GRAMD1B: variants seen among roughly 807,000 people sequenced by gnomAD.
GRAMD1B encodes the protein GRAM domain containing 1B.
Under a neutral mutation model 99.7 loss-of-function variants are expected in GRAMD1B, and 37 were observed. The observed-to-expected ratio is 0.37, with a 90% CI of 0.29 to 0.49. The LOEUF (loss-of-function observed/expected upper bound fraction) is 0.49, where lower values mean the gene tolerates loss of function less well. GRAMD1B is among the 20% of genes least tolerant of loss of function. The pLI is 0.98. For synonymous variants in GRAMD1B, 427 were observed against 387.6 expected (o/e 1.10, Z -1.19); for missense variants, 888 against 1,009.2 (o/e 0.88, Z 1.63).
chr11:123,548,590 G>T (rs1050422461), intron 2 of GRAMD1B, among the ~76,000 whole-genome samples: 1 of 151,826 alleles, frequency 6.6e-6, no homozygotes, highest in African/African-American at 2.4e-5. Flanking sequence ...TGGATTCGAT[G>T]CTTGAAAATT....
intron 2 of GRAMD1B, among the ~76,000 whole-genome samples, chr11:123,495,357 T>A (rs1939121561): frequency 6.6e-6 from 1 of 152,178 alleles, no homozygotes; most frequent in Non-Finnish European, 1.5e-5. Flanking sequence ...AGGGATGTAA[T>A]AGTCACAGCA....
intron 11 of GRAMD1B, chr11:123,607,933 T>TG (rs1442888581): frequency 1.3e-5 from 2 of 153,542 alleles, no homozygotes; most frequent in Non-Finnish European, 2.9e-5. Context: ...CAATCTTCTG[T>TG]ATATGGACAC....
chr11:123,485,648 CAGTAGAA>C (rs1937648357), intron 2 of GRAMD1B, among the ~76,000 whole-genome samples: 1 of 151,092 alleles, frequency 6.6e-6, no homozygotes, highest in South Asian at 2.1e-4. Flanking sequence ...TCCAGGTGTC[CAGTAGAA>C]AGCAAAATAG....
chr11:123,575,756 T>C (rs909006969), intron 2 of GRAMD1B, among the ~76,000 whole-genome samples: 1 of 152,032 alleles, frequency 6.6e-6, no homozygotes, highest in African/African-American at 2.4e-5. Flanking sequence ...CCTTCCTTTC[T>C]CCAGAGTTTA....
At chr11:123,389,160 A>G (rs924008639) in intron 1 of GRAMD1B, among the ~76,000 whole-genome samples, 3 of 152,204 alleles carry the variant, frequency 2.0e-5, no homozygotes, top group Admixed American at 6.5e-5. Context: ...CGAGACAGGC[A>G]GATCACGAGG....
intron 4 of GRAMD1B, among the ~76,000 whole-genome samples, chr11:123,586,557 G>A (rs1018594288): frequency 4.6e-5 from 7 of 152,202 alleles, no homozygotes; most frequent in Admixed American, 4.6e-4. Context: ...TCGGGTGACA[G>A]GGCACCCTGC....
intron 2 of GRAMD1B, among the ~76,000 whole-genome samples, chr11:123,481,654 T>C (rs1423091183): frequency 2.6e-5 from 4 of 152,096 alleles, no homozygotes. Context: ...TAGGATGCAA[T>C]GAAAATATGG....
At chr11:123,421,691 G>A (rs1258394959) in intron 1 of GRAMD1B, among the ~76,000 whole-genome samples, 1 of 152,172 alleles carries the variant, frequency 6.6e-6, no homozygotes, top group Admixed American at 6.5e-5. Context: ...TCTTCCAGAG[G>A]TATCTGCTTA....
chr11:123,478,807 C>T (rs1171955190), intron 1 of GRAMD1B, among the ~76,000 whole-genome samples: 1 of 152,114 alleles, frequency 6.6e-6, no homozygotes, highest in African/African-American at 2.4e-5. Context: ...CTTGGTTGAG[C>T]CCTGTTGACT....
intron 12 of GRAMD1B, among the ~76,000 whole-genome samples, chr11:123,609,423 A>G (rs1217512236): frequency 1.3e-5 from 2 of 152,126 alleles, no homozygotes; most frequent in Non-Finnish European, 2.9e-5. Context: ...AGGAGAGGGC[A>G]CGCTGAGGGC....
chr11:123,382,720 C>A (rs1012420413), intron 1 of GRAMD1B, among the ~76,000 whole-genome samples: 1 of 151,864 alleles, frequency 6.6e-6, no homozygotes, highest in Non-Finnish European at 1.5e-5. Context: ...TAATGGGGGG[C>A]GTTTAAGAAA....
chr11:123,461,967 C>CT (rs756413526), intron 1 of GRAMD1B, among the ~76,000 whole-genome samples: 8,455 of 122,226 alleles, frequency 0.069, 344 homozygotes, highest in South Asian at 0.11. Context: ...TTGTTTATTT[C>CT]TTTTTTTTTT....
chr11:123,385,485 A>G (rs1947025353), intron 1 of GRAMD1B, among the ~76,000 whole-genome samples: 1 of 151,828 alleles, frequency 6.6e-6, no homozygotes, highest in Non-Finnish European at 1.5e-5. Flanking sequence ...CCCTTCCTTC[A>G]TACCTTTGTT....
rs543849878 is a variant in GRAMD1B at position 123,431,041 on chromosome 11, G to A, written c.249G>A (p.Thr83=). ...TGCAGCTGCCGTCCATCGAGATCAC[G>A]CCCTCCAGCGACGAGGACACCCCGT... ...EFLQLPSIEI[T]PSSDEDTPWS... Residue 83 remains threonine, a synonymous_variant, in exon 1 of 20, where the codon ACG becomes ACA. Transcript: ENST00000635736. 25 of 703,014 alleles carry A rather than the reference G, an allele frequency of 3.6e-5. No individual in the cohort carries two copies. The African/African-American group carries it at 4.4e-4, about 12-fold the overall frequency. The allele number at this position is 703,014 out of a possible 1,614,324, so 43.5% of individuals were successfully genotyped here.
chr11:123,390,744 T>A (rs1448263242), intron 1 of GRAMD1B, among the ~76,000 whole-genome samples: 1 of 152,250 alleles, frequency 6.6e-6, no homozygotes, highest in African/African-American at 2.4e-5. Context: ...TCCTTTCAAC[T>A]GGTTGATAGT....
At chr11:123,533,017 T>A (rs1943560868) in intron 2 of GRAMD1B, among the ~76,000 whole-genome samples, 1 of 152,268 alleles carries the variant, frequency 6.6e-6, no homozygotes, top group Non-Finnish European at 1.5e-5. Context: ...TTGCCCAGGC[T>A]GAAGTGCAAT....
intron 2 of GRAMD1B, among the ~76,000 whole-genome samples, chr11:123,532,246 G>T (rs1428187436): frequency 2.6e-5 from 4 of 152,190 alleles, no homozygotes; most frequent in Admixed American, 2.0e-4. Flanking sequence ...GCAGCTCAGT[G>T]ATCCAGGCAG....
chr11:123,612,857 C>T lies in GRAMD1B; in HGVS notation c.2016C>T (p.Arg672=). Residue 672 remains arginine, a synonymous_variant, in exon 15 of 20, where the codon CGC becomes CGT. Coordinates refer to ENST00000635736, the MANE Select transcript of GRAMD1B (RefSeq NM_001387025.1). ...GGAGTGGGCTGGAGGACTACTTCCGCCATTTAGGTGAGCACTGCAATCCTT... is the reference window on the plus strand; with the variant it reads ...GGAGTGGGCTGGAGGACTACTTCCGTCATTTAGGTGAGCACTGCAATCCTT... ...NFWSGLEDYF[R]HLESELAKTE... 2.5e-6 allele frequency: 4 copies of T among 1,583,998 alleles called. No homozygotes were observed. Among genetic ancestry groups the T allele is most frequent in the Non-Finnish European group, 3.5e-6 (4 of 1,153,354 alleles).
rs1955289969 is a variant in GRAMD1B at position 123,622,807 on chromosome 11, A to G, written c.*212A>G. On this transcript the variant is annotated 3_prime_UTR_variant, in exon 20 of 20. Coordinates refer to ENST00000635736, the MANE Select transcript of GRAMD1B (RefSeq NM_001387025.1). Reference sequence around the variant, plus strand: ...GAGCAGCGTTTTCTTATGGTGGAGCAGCTGAGGAGGGCAGGAACCGCCTCT... The same window carrying G: ...GAGCAGCGTTTTCTTATGGTGGAGCGGCTGAGGAGGGCAGGAACCGCCTCT... 5.8e-6 allele frequency: 1 copy of G among 172,718 alleles called. No individual in the cohort carries two copies. 10.7% of individuals were successfully genotyped at this position (172,718 alleles called of 1,614,324 possible).
Sources: gnomAD v4.1 joint callset for allele counts (sites outside exome capture counted in the v4.1 genomes callset) on GRCh38, gnomAD v4.1.1 for gene constraint, MANE v1.5 for transcripts, NCBI Gene and HGNC (gene_info 2026-07-23, HGNC 2026-07-21) for gene names.